Variants in ADGB observed in about 807,000 individuals in gnomAD.
ADGB encodes the protein calpain-7-like protein.
In ADGB, 172 loss-of-function variants were observed where a neutral mutation model predicts 210.5. That is an observed-to-expected ratio of 0.82 (90% CI 0.72 to 0.93). The LOEUF is 0.93. ADGB is among the 40% of genes least tolerant of loss of function. ADGB has a pLI of 0.00. For synonymous variants in ADGB, 658 were observed against 662.7 expected (o/e 0.99, Z 0.11); for missense variants, 2,025 against 1,964.8 (o/e 1.03, Z -0.58).
intron 1 of ADGB, among the ~76,000 whole-genome samples, chr6:146,618,010 A>G (rs1237234420): frequency 2.0e-5 from 3 of 152,136 alleles, no homozygotes; most frequent in Admixed American, 2.0e-4. Flanking sequence ...TTTGTGTGTC[A>G]TATGTATATG....
intron 22 of ADGB, among the ~76,000 whole-genome samples, chr6:146,735,360 G>T (rs1378529203): frequency 6.6e-6 from 1 of 152,164 alleles, no homozygotes; most frequent in Admixed American, 6.5e-5. Context: ...TTTATCCCAT[G>T]AGGAAGGTGG....
intron 35 of ADGB, chr6:146,803,331 CTGGAGTTAACCAAATATGTTCGACTGTCA>C: frequency 1.2e-6 from 2 of 1,608,646 alleles, no homozygotes; most frequent in Non-Finnish European, 1.7e-6. Context: ...ACCAGAATCA[CTGGAGTTAACCAAATATGTTCGACTGTCA>C]TGGTGTAATT....
chr6:146,683,124 G>T (rs1409468420), intron 9 of ADGB, among the ~76,000 whole-genome samples: 2 of 152,062 alleles, frequency 1.3e-5, no homozygotes, highest in African/African-American at 4.8e-5. Flanking sequence ...GGATGACACA[G>T]CAAAAAGTTC....
chr6:146,679,825 G>A (rs1305434986), intron 9 of ADGB, among the ~76,000 whole-genome samples: 2 of 152,010 alleles, frequency 1.3e-5, no homozygotes, highest in African/African-American at 2.4e-5. Context: ...TACAAATACC[G>A]AAGTTCTATA....
intron 35 of ADGB, among the ~76,000 whole-genome samples, chr6:146,813,387 A>G (rs1436442350): frequency 1.3e-5 from 2 of 152,148 alleles, no homozygotes; most frequent in African/African-American, 4.8e-5. Flanking sequence ...TGCCAACCAT[A>G]CAGATCTAAA....
chr6:146,802,080 T>C (rs1778144438), intron 35 of ADGB, 69 bp downstream of exon 35: 4 of 1,041,680 alleles, frequency 3.8e-6, no homozygotes, highest in Non-Finnish European at 5.2e-6. Context: ...AGAAATTATA[T>C]AATTAAATAA....
At chr6:146,617,987 G>T (rs1203780561) in intron 1 of ADGB, among the ~76,000 whole-genome samples, 1 of 151,932 alleles carries the variant, frequency 6.6e-6, no homozygotes, top group African/African-American at 2.4e-5. Flanking sequence ...ATAAAAGCTT[G>T]ATTAACACAT....
intron 5 of ADGB, among the ~76,000 whole-genome samples, chr6:146,659,971 T>C (rs1775832981): frequency 6.6e-6 from 1 of 152,182 alleles, no homozygotes; most frequent in Non-Finnish European, 1.5e-5. Context: ...GCCATCAATA[T>C]GTTTATATAA....
intron 13 of ADGB, among the ~76,000 whole-genome samples, chr6:146,708,010 C>T (rs1208573325): frequency 6.6e-6 from 1 of 152,064 alleles, no homozygotes; most frequent in Admixed American, 6.5e-5. Context: ...TTTATGAATA[C>T]CATGAGGCTT....
At chr6:146,770,960 A>G (rs1004565555) in intron 29 of ADGB, among the ~76,000 whole-genome samples, 1 of 152,090 alleles carries the variant, frequency 6.6e-6, no homozygotes, top group African/African-American at 2.4e-5. Context: ...CTCCCCTCCT[A>G]AAGCCAACAC....
chr6:146,655,046 A>T (rs1775760870), intron 4 of ADGB, among the ~76,000 whole-genome samples: 1 of 152,140 alleles, frequency 6.6e-6, no homozygotes, highest in Non-Finnish European at 1.5e-5. Flanking sequence ...ATATATGTGA[A>T]ATCATGCAGT....
At chr6:146,782,740 T>C (rs1392451247) in intron 30 of ADGB, among the ~76,000 whole-genome samples, 1 of 152,148 alleles carries the variant, frequency 6.6e-6, no homozygotes, top group African/African-American at 2.4e-5. Flanking sequence ...GGACTCTATA[T>C]ACAGTCCAGA....
chr6:146,610,674 A>T (rs1946944744), intron 1 of ADGB, among the ~76,000 whole-genome samples: 1 of 152,058 alleles, frequency 6.6e-6, no homozygotes, highest in African/African-American at 2.4e-5. Context: ...CAGGCCTGTG[A>T]TTTTGTTCTC....
chr6:146,665,809 T>C (rs187389527), intron 6 of ADGB, among the ~76,000 whole-genome samples: 1 of 152,084 alleles, frequency 6.6e-6, no homozygotes, highest in African/African-American at 2.4e-5. Flanking sequence ...CAGTACATAG[T>C]GATTGCTTTT....
At chr6:146,709,882 T>G (rs1293123544) in intron 13 of ADGB, among the ~76,000 whole-genome samples, 1 of 152,160 alleles carries the variant, frequency 6.6e-6, no homozygotes, top group East Asian at 1.9e-4. Context: ...TGCTATAACC[T>G]TTCACCAAGT....
At chr6:146,769,970 G>A (rs1368675013) in intron 29 of ADGB, among the ~76,000 whole-genome samples, 1 of 151,918 alleles carries the variant, frequency 6.6e-6, no homozygotes, top group Non-Finnish European at 1.5e-5. Context: ...AGTCCTTTTC[G>A]TCCTCTAAGA....
At chr6:146,731,581 G>A (rs1776988102) in intron 20 of ADGB, among the ~76,000 whole-genome samples, 1 of 152,004 alleles carries the variant, frequency 6.6e-6, no homozygotes, top group Non-Finnish European at 1.5e-5. Flanking sequence ...CATTTACCAT[G>A]GAAGCATTAA....
chr6:146,726,841 T>C (rs1776902466), intron 19 of ADGB, among the ~76,000 whole-genome samples: 1 of 152,220 alleles, frequency 6.6e-6, no homozygotes, highest in African/African-American at 2.4e-5. Flanking sequence ...TAATAGAGTT[T>C]AAAATTTTGG....
At chr6:146,634,982 T>C (rs1775390579) in intron 1 of ADGB, among the ~76,000 whole-genome samples, 1 of 152,056 alleles carries the variant, frequency 6.6e-6, no homozygotes, top group African/African-American at 2.4e-5. Flanking sequence ...ATACAAAGTA[T>C]ATGCAAAATG....
Sources: allele counts gnomAD v4.1 joint callset (sites outside exome capture counted in the v4.1 genomes callset), GRCh38; gene constraint gnomAD v4.1.1; transcripts MANE v1.5; gene names NCBI Gene and HGNC (gene_info 2026-07-23, HGNC 2026-07-21).